PCMT1: variants seen among roughly 807,000 people sequenced by gnomAD.
PCMT1 encodes protein-L-isoaspartate (D-aspartate) O-methyltransferase.
In PCMT1, 9 loss-of-function variants were observed where a neutral mutation model predicts 29.2. That is an observed-to-expected ratio of 0.31 (90% CI 0.19 to 0.54). The LOEUF is 0.54. PCMT1 is among the 20% of genes least tolerant of loss of function. PCMT1 has a pLI of 0.95. For missense variants in PCMT1, 184 were observed against 282.2 expected (o/e 0.65, Z 2.49); for synonymous variants, 98 against 97.5 (o/e 1.00, Z -0.03).
intron 1 of PCMT1, among the ~76,000 whole-genome samples, chr6:149,768,836 G>T (rs989350546): frequency 6.6e-6 from 1 of 151,612 alleles, no homozygotes; most frequent in African/African-American, 2.4e-5. Context: ...CATGTTGGCC[G>T]TATTGGTCTT....
intron 3 of PCMT1, among the ~76,000 whole-genome samples, chr6:149,781,474 C>T (rs1430604830): frequency 6.6e-6 from 1 of 152,134 alleles, no homozygotes; most frequent in African/African-American, 2.4e-5. Context: ...ATCCGCCCAC[C>T]TCAGCCTCCC....
At chr6:149,750,389 T>G in intron 1 of PCMT1, 2 of 167,190 alleles carry the variant, frequency 1.2e-5, no homozygotes, top group East Asian at 1.7e-4. Context: ...TTTTCTCACC[T>G]TCCTCCTCCA....
At chr6:149,796,105 G>A (rs774167706) in intron 5 of PCMT1, 4 of 216,082 alleles carry the variant, frequency 1.9e-5, no homozygotes, top group African/African-American at 4.7e-5. Flanking sequence ...AGGCTGAGGC[G>A]GGTGGATCAC....
At chr6:149,766,679 A>C (rs1289552687) in intron 1 of PCMT1, among the ~76,000 whole-genome samples, 1 of 152,176 alleles carries the variant, frequency 6.6e-6, no homozygotes, top group Non-Finnish European at 1.5e-5. Flanking sequence ...CGGCTTGCAA[A>C]TCCTAAAATA....
intron 5 of PCMT1, chr6:149,794,664 A>G: frequency 4.0e-6 from 1 of 247,586 alleles, no homozygotes; most frequent in Non-Finnish European, 7.0e-6. Flanking sequence ...TCTAGTAGCC[A>G]CAGCCATCCC....
chr6:149,803,052 C>CAA (rs60853264), intron 7 of PCMT1, among the ~76,000 whole-genome samples: 1,357 of 70,500 alleles, frequency 0.019, 187 homozygotes, highest in Non-Finnish European at 0.029. Flanking sequence ...GGCTCTGTCT[C>CAA]AAAAAAAAAA....
At chr6:149,783,396 G>A (rs1787894443) in intron 3 of PCMT1, among the ~76,000 whole-genome samples, 1 of 152,206 alleles carries the variant, frequency 6.6e-6, no homozygotes, top group South Asian at 2.1e-4. Context: ...CTCCCAAAGT[G>A]CTGGGATAAG....
chr6:149,761,279 G>A (rs1480089512), intron 1 of PCMT1, among the ~76,000 whole-genome samples: 1 of 146,472 alleles, frequency 6.8e-6, no homozygotes, highest in Admixed American at 6.9e-5. Flanking sequence ...GTGTGTGTGT[G>A]TACATATATA....
At chr6:149,804,120 A>G (rs572235022) in intron 7 of PCMT1, among the ~76,000 whole-genome samples, 2 of 151,952 alleles carry the variant, frequency 1.3e-5, no homozygotes, top group African/African-American at 4.8e-5. Flanking sequence ...AGGCATTTAA[A>G]AAATTACTGG....
rs1278388127 is a variant in PCMT1 at position 149,786,314 on chromosome 6, G to GA, written c.193-3640_193-3639insA. Among the ~76,000 whole-genome samples, 14 of 78,392 alleles carry GA rather than the reference G, an allele frequency of 1.8e-4. 2 individuals carry two copies. The highest frequency in any genetic ancestry group is 2.8e-4 in the Non-Finnish European group (12 of 43,542). 51.4% of individuals were successfully genotyped at this position (78,392 alleles called of 152,430 possible). A position where few individuals can be genotyped will look rare whatever the true frequency, so the allele number is the denominator to read the frequency against. On this transcript the variant is annotated intron_variant, in intron 3 of 7. Transcript: ENST00000464889. Reference sequence around the variant, plus strand: ...CAGGACGGGGCGGCTGGCCGGGCGGGGGCTGACCCCCCCACCTCCCTCCCG... The same window carrying GA: ...CAGGACGGGGCGGCTGGCCGGGCGGGAGGCTGACCCCCCCACCTCCCTCCCG...
intron 1 of PCMT1, among the ~76,000 whole-genome samples, chr6:149,763,963 T>C (rs1786965563): frequency 6.6e-6 from 1 of 152,158 alleles, no homozygotes. Context: ...TGTCTAATAA[T>C]CAGAGTGGTC....
chr6:149,783,804 C>T (rs1787913299), intron 3 of PCMT1, among the ~76,000 whole-genome samples: 1 of 152,178 alleles, frequency 6.6e-6, no homozygotes, highest in Non-Finnish European at 1.5e-5. Context: ...ATCTTCCTGC[C>T]TCTGCCTCCC....
At chr6:149,770,668 T>C (rs1162621429) in intron 1 of PCMT1, among the ~76,000 whole-genome samples, 1 of 136,344 alleles carries the variant, frequency 7.3e-6, no homozygotes, top group African/African-American at 2.8e-5. Context: ...ATCGCACCAC[T>C]GCACTCCAGC....
intron 7 of PCMT1, 137 bp downstream of exon 7, chr6:149,802,553 G>T: frequency 8.2e-7 from 1 of 1,225,496 alleles, no homozygotes; most frequent in Non-Finnish European, 1.0e-6. Context: ...CCTTATTTTG[G>T]TTTAACATAT....
chr6:149,773,017 A>C, intron 2 of PCMT1, 121 bp from the exon 3 acceptor site: 1 of 174,928 alleles, frequency 5.7e-6, no homozygotes, highest in Non-Finnish European at 1.1e-5. Flanking sequence ...ACTGTCTCAG[A>C]AAAAAAAAAA....
At chr6:149,800,079 T>G (rs1418207135) in intron 6 of PCMT1, among the ~76,000 whole-genome samples, 1 of 152,180 alleles carries the variant, frequency 6.6e-6, no homozygotes, top group African/African-American at 2.4e-5. Flanking sequence ...TTTTTCATTA[T>G]AAGCCTTGAA....
chr6:149,786,687 C>T (rs200649374), intron 3 of PCMT1, among the ~76,000 whole-genome samples: 37,082 of 140,958 alleles, frequency 0.26, 3,434 homozygotes, highest in Admixed American at 0.38. Flanking sequence ...GGGTCGCGGC[C>T]GGGCAGAGGC....
At chr6:149,761,026 AGTGTGTGT>A (rs57501586) in intron 1 of PCMT1, among the ~76,000 whole-genome samples, 51,891 of 149,638 alleles carry the variant, frequency 0.35, 9,762 homozygotes, top group East Asian at 0.77. Flanking sequence ...CAGGTAAAAA[AGTGTGTGT>A]GTGTGTGTGT....
At chr6:149,770,366 C>A (rs1428583048) in intron 1 of PCMT1, among the ~76,000 whole-genome samples, 2 of 152,096 alleles carry the variant, frequency 1.3e-5, no homozygotes, top group Non-Finnish European at 2.9e-5. Flanking sequence ...ATATTACCTA[C>A]CAAATATAAC....
Sources: gnomAD v4.1 joint callset for allele counts (sites outside exome capture counted in the v4.1 genomes callset) on GRCh38, gnomAD v4.1.1 for gene constraint, MANE v1.5 for transcripts, NCBI Gene and HGNC (gene_info 2026-07-23, HGNC 2026-07-21) for gene names.